The following TUT4 variants were observed in gnomAD, a reference collection of about 807,000 sequenced individuals.
TUT4 encodes the protein terminal uridylyltransferase 4.
In TUT4, 36 loss-of-function variants were observed where a neutral mutation model predicts 192.2. The observed-to-expected ratio is 0.19, with a 90% CI of 0.14 to 0.25. TUT4 has a LOEUF of 0.25. Ranked by LOEUF, TUT4 falls within the 10% of genes least tolerant of loss-of-function variation. The pLI is 1.00. For missense variants in TUT4, 1,493 were observed against 1,957.2 expected, an observed-to-expected ratio of 0.76 and a Z score of 4.47; for synonymous variants, 618 against 666.0, an observed-to-expected ratio of 0.93 and a Z score of 1.11.
At chr1:52,444,945 GTA>G (rs141693221) in intron 24 of TUT4, among the ~76,000 whole-genome samples, 5 of 115,764 alleles carry the variant, frequency 4.3e-5, no homozygotes, top group Non-Finnish European at 4.8e-5. Flanking sequence ...GTATATACAT[GTA>G]TGTGTATATA....
At chr1:52,501,533 C>T (rs560945347) in intron 4 of TUT4, among the ~76,000 whole-genome samples, 81 of 152,242 alleles carry the variant, frequency 5.3e-4, no homozygotes, top group African/African-American at 1.7e-3. Context: ...GATGTCACCA[C>T]TGTGGAAAAC....
At chr1:52,498,166 C>G (rs1417842091) in intron 4 of TUT4, among the ~76,000 whole-genome samples, 1 of 151,628 alleles carries the variant, frequency 6.6e-6, no homozygotes, top group Non-Finnish European at 1.5e-5. Context: ...TTTTCTAAGT[C>G]TCTGTGATCA....
intron 24 of TUT4, among the ~76,000 whole-genome samples, chr1:52,439,082 A>AG (rs1204139233): frequency 6.6e-6 from 1 of 151,166 alleles, no homozygotes; most frequent in East Asian, 1.9e-4. Flanking sequence ...AAAAAAAAAA[A>AG]AAAAAAAAAG....
intron 1 of TUT4, among the ~76,000 whole-genome samples, chr1:52,532,414 A>AC (rs1055410733): frequency 2.0e-5 from 3 of 150,200 alleles, no homozygotes; most frequent in African/African-American, 4.9e-5. Flanking sequence ...TGCAGCCTTG[A>AC]CCCCTGGGCT....
chr1:52,437,913 C>G (rs1026415855), intron 25 of TUT4, among the ~76,000 whole-genome samples: 1 of 152,022 alleles, frequency 6.6e-6, no homozygotes, highest in African/African-American at 2.4e-5. Flanking sequence ...CGAGATCACA[C>G]CATTGCACTC....
intron 14 of TUT4, among the ~76,000 whole-genome samples, chr1:52,471,457 G>T (rs1048012226): frequency 6.6e-6 from 1 of 152,062 alleles, no homozygotes; most frequent in Non-Finnish European, 1.5e-5. Flanking sequence ...CACTACTATA[G>T]CATGTAACAC....
At chr1:52,529,780 A>T (rs915497503) in intron 1 of TUT4, 1 of 152,208 alleles carries the variant, frequency 6.6e-6, no homozygotes, top group Non-Finnish European at 1.5e-5. Flanking sequence ...AATATAGATC[A>T]ATGTACCCGG....
intron 5 of TUT4, 26 bp downstream of exon 5, chr1:52,496,963 GAGTTTTGTGATTTTCAA>G: frequency 6.4e-7 from 1 of 1,571,974 alleles, no homozygotes; most frequent in South Asian, 1.2e-5. Flanking sequence ...AGCAAGGGAA[GAGTTTTGTGATTTTCAA>G]AATCAAATAT....
chr1:52,446,162 A>T (rs1046731544), intron 22 of TUT4, 103 bp downstream of exon 22: 5 of 1,385,100 alleles, frequency 3.6e-6, no homozygotes, highest in Admixed American at 4.5e-5. Context: ...GAAAACTGAT[A>T]AAAGAGGAAG....
intron 2 of TUT4, among the ~76,000 whole-genome samples, chr1:52,521,713 C>T (rs1203929954): frequency 4.6e-5 from 7 of 151,772 alleles, no homozygotes; most frequent in Non-Finnish European, 8.8e-5. Flanking sequence ...CGCCTGTAAT[C>T]CCAGCACTTT....
intron 19 of TUT4, among the ~76,000 whole-genome samples, chr1:52,460,743 A>G (rs1404221982): frequency 2.0e-5 from 3 of 152,226 alleles, no homozygotes; most frequent in East Asian, 3.8e-4. Context: ...GTGTTATAAT[A>G]GGAGAAGCGT....
chr1:52,490,625 TC>T (rs1027036411), intron 8 of TUT4, 106 bp downstream of exon 8: 2 of 835,264 alleles, frequency 2.4e-6, no homozygotes, highest in African/African-American at 3.5e-5. Flanking sequence ...GTCATATTCA[TC>T]CAAGGAGAAA....
chr1:52,471,274 C>A (rs1665707560), intron 14 of TUT4, among the ~76,000 whole-genome samples: 2 of 152,280 alleles, frequency 1.3e-5, no homozygotes, highest in South Asian at 2.1e-4. Flanking sequence ...CTCGGCCTCC[C>A]AAAATGCTGG....
At chr1:52,476,176 T>A (rs1408370322) in intron 12 of TUT4, among the ~76,000 whole-genome samples, 1 of 152,032 alleles carries the variant, frequency 6.6e-6, no homozygotes, top group Non-Finnish European at 1.5e-5. Context: ...TATATGCTCT[T>A]TGCAATATAA....
chr1:52,463,389 A>T (rs1663159035), intron 16 of TUT4: 1 of 996,974 alleles, frequency 1.0e-6, no homozygotes. Flanking sequence ...TTTCTTTATA[A>T]AACAAGATGT....
intron 4 of TUT4, among the ~76,000 whole-genome samples, chr1:52,498,905 TA>T (rs1673261043): frequency 0.019 from 39 of 2,014 alleles, 3 homozygotes; most frequent in Non-Finnish European, 0.032. Context: ...AAAAAAATTA[TA>T]TATATATATA....
chr1:52,455,221 T>C (rs368076685), intron 20 of TUT4, among the ~76,000 whole-genome samples: 2 of 151,614 alleles, frequency 1.3e-5, no homozygotes, highest in South Asian at 2.1e-4. Context: ...GAAGTGGAGG[T>C]TGCAGTGAGT....
chr1:52,530,434 A>G (rs1429403399), intron 1 of TUT4, among the ~76,000 whole-genome samples: 1 of 152,200 alleles, frequency 6.6e-6, no homozygotes, highest in Non-Finnish European at 1.5e-5. Context: ...AGCGCATCAT[A>G]GAGAATGGGG....
At chr1:52,540,810 A>T (rs1028649367) in intron 1 of TUT4, among the ~76,000 whole-genome samples, 1 of 152,094 alleles carries the variant, frequency 6.6e-6, no homozygotes, top group African/African-American at 2.4e-5. Context: ...ATACCTTTAT[A>T]CTCTTAAAAT....
Sources: gnomAD v4.1 joint callset for allele counts (sites outside exome capture counted in the v4.1 genomes callset) on GRCh38, gnomAD v4.1.1 for gene constraint, MANE v1.5 for transcripts, NCBI Gene and HGNC (gene_info 2026-07-23, HGNC 2026-07-21) for gene names.